MTARC1: variants seen among roughly 807,000 people sequenced by gnomAD.
MTARC1 encodes mitochondrial amidoxime reducing component 1, also known as mitochondrial amidoxime-reducing component 1.
MTARC1 carries 24 observed loss-of-function variants against 33.6 expected under a neutral mutation model. The ratio of observed to expected loss-of-function variants is 0.72; its 90% CI spans 0.52 to 1.01. The LOEUF is 1.01. Ranked by LOEUF, MTARC1 falls within the 50% of genes least tolerant of loss-of-function variation. The pLI, the probability that MTARC1 is intolerant of heterozygous loss-of-function variation, is 0.00. For synonymous variants in MTARC1, 187 were observed against 189.5 expected (o/e 0.99, Z 0.11); for missense variants, 417 against 445.7 (o/e 0.94, Z 0.58).
At chr1:220,804,137 C>T (rs947073411) in intron 4 of MTARC1, among the ~76,000 whole-genome samples, 1 of 152,156 alleles carries the variant, frequency 6.6e-6, no homozygotes, top group Non-Finnish European at 1.5e-5. Flanking sequence ...AGCGCCCTTC[C>T]TTCTTATTGC....
At chr1:220,805,344 A>G (rs1210705319) in intron 6 of MTARC1, 70 bp downstream of exon 6, 52 of 1,529,396 alleles carry the variant, frequency 3.4e-5, no homozygotes, top group Non-Finnish European at 4.6e-5. Context: ...TTGTTGCTTA[A>G]TGTTTATAAG....
intron 1 of MTARC1, among the ~76,000 whole-genome samples, chr1:220,789,789 T>A (rs866480069): frequency 5.3e-5 from 8 of 152,336 alleles, no homozygotes; most frequent in South Asian, 2.1e-4. Flanking sequence ...GAAAACATAA[T>A]ACTAATTGAA....
chr1:220,791,810 C>T (rs1672431926), intron 2 of MTARC1, 146 bp downstream of exon 2: 1 of 834,088 alleles, frequency 1.2e-6, no homozygotes, highest in Admixed American at 3.0e-5. Flanking sequence ...AAGTCCTCAA[C>T]ATTATGAAGA....
chr1:220,816,897 G>C lies in MTARC1; in HGVS notation c.*3479G>C, dbSNP rs564692428. Reference sequence around the variant, plus strand: ...AGGGAGAAGCACTCTCTTTCTTCGGGATCATTTTCCAAACATGCATTTTTG... The same window carrying C: ...AGGGAGAAGCACTCTCTTTCTTCGGCATCATTTTCCAAACATGCATTTTTG... On this transcript the variant is annotated 3_prime_UTR_variant, in exon 7 of 7. Coordinates refer to ENST00000366910, the MANE Select transcript of MTARC1 (RefSeq NM_022746.4). The C allele has an allele frequency of 6.6e-6, 1 of 152,464 alleles. No individual in the cohort carries two copies. The highest frequency in any genetic ancestry group is 2.1e-4 in the South Asian group (1 of 4,828). 9.4% of individuals were successfully genotyped at this position (152,464 alleles called of 1,614,324 possible).
At chr1:220,797,812 C>T (rs1571669592) in intron 3 of MTARC1, 62 bp from the exon 4 acceptor site, 1 of 1,528,600 alleles carries the variant, frequency 6.5e-7, no homozygotes, top group East Asian at 2.3e-5. Flanking sequence ...AGGAACTAGG[C>T]ACACCTAACC....
rs1558084246 is a variant in MTARC1, at chr1:220,791,777, G to C, written c.449+113G>C. 5 of 1,169,148 alleles carry C rather than the reference G, an allele frequency of 4.3e-6. 1 individual carries two copies. The highest frequency in any genetic ancestry group is 3.1e-5 in the African/African-American group (2 of 64,838). The allele number at this position is 1,169,148 out of a possible 1,614,324, so 72.4% of individuals were successfully genotyped here. A position where few individuals can be genotyped will look rare whatever the true frequency, so the allele number is the denominator to read the frequency against. On this transcript the variant is annotated intron_variant, in intron 2 of 6. Coordinates refer to ENST00000366910, the MANE Select transcript of MTARC1 (RefSeq NM_022746.4). ...ACATATCAATAATGAACCGTTGATT[G>C]CATGTGTACCATATACAGAATGAAG... is the stretch of plus-strand genomic sequence containing the variant.
At chr1:220,800,900 C>G (rs960638744) in intron 4 of MTARC1, among the ~76,000 whole-genome samples, 3 of 152,254 alleles carry the variant, frequency 2.0e-5, no homozygotes, top group Admixed American at 1.3e-4. Context: ...GGGCCTTCCC[C>G]CCCACTCCCC....
At chr1:220,796,831 G>A (rs781526951) in intron 3 of MTARC1, 26 bp downstream of exon 3, 1 of 1,572,484 alleles carries the variant, frequency 6.4e-7, no homozygotes, top group East Asian at 2.4e-5. Flanking sequence ...GCCTCCATGG[G>A]TAGAAAGCAG....
At chr1:220,805,176 C>A in intron 5 of MTARC1, 27 bp from the exon 6 acceptor site, 1 of 1,614,084 alleles carries the variant, frequency 6.2e-7, no homozygotes, top group Non-Finnish European at 8.5e-7. Flanking sequence ...CTCTGTCCCC[C>A]TTATGATGCT....
At chr1:220,789,797 G>C (rs1214090719) in intron 1 of MTARC1, among the ~76,000 whole-genome samples, 1 of 152,142 alleles carries the variant, frequency 6.6e-6, no homozygotes, top group East Asian at 1.9e-4. Context: ...AATACTAATT[G>C]AAATAAGCTA....
chr1:220,810,006 C>T (rs370486176), intron 6 of MTARC1, among the ~76,000 whole-genome samples: 4 of 152,182 alleles, frequency 2.6e-5, no homozygotes, highest in African/African-American at 9.7e-5. Flanking sequence ...AGCACTTTAA[C>T]GGTAACAAAC....
intron 6 of MTARC1, among the ~76,000 whole-genome samples, chr1:220,809,322 C>G (rs1405604792): frequency 6.6e-6 from 1 of 152,142 alleles, no homozygotes; most frequent in East Asian, 1.9e-4. Context: ...TTGAGAGTCA[C>G]TGTTTATAAA....
At chr1:220,810,425 G>A (rs1465602063) in intron 6 of MTARC1, among the ~76,000 whole-genome samples, 4 of 152,120 alleles carry the variant, frequency 2.6e-5, no homozygotes, top group African/African-American at 9.7e-5. Context: ...GCAAAACCAG[G>A]CAGCTGTAGG....
chr1:220,811,056 A>C (rs112849266), intron 6 of MTARC1, among the ~76,000 whole-genome samples: 87 of 152,344 alleles, frequency 5.7e-4, no homozygotes, highest in African/African-American at 1.9e-3. Context: ...TCCCCAAGAT[A>C]ATGAGAGTCT....
Position 220,813,578 on chromosome 1 carries a change from C to A in MTARC1, c.*160C>A. On this transcript the variant is annotated 3_prime_UTR_variant, in exon 7 of 7. Transcript: ENST00000366910. ...TTGGACTTCTGGTGTCTCAATGCTT[C>A]AATGTCCCAGTGCAAAAAGTAAAGA... The A allele has an allele frequency of 2.3e-6, 2 of 878,532 alleles. No individual in the cohort carries two copies. The highest frequency in any genetic ancestry group is 3.4e-6 in the Non-Finnish European group (2 of 584,460). The allele number at this position is 878,532 out of a possible 1,614,324, so 54.4% of individuals were successfully genotyped here.
chr1:220,805,722 A>G (rs1368188042), intron 6 of MTARC1, among the ~76,000 whole-genome samples: 1 of 152,258 alleles, frequency 6.6e-6, no homozygotes, highest in African/African-American at 2.4e-5. Flanking sequence ...AAAGAAAAAA[A>G]GGATAAATGA....
rs1359811081 is a variant in MTARC1, at chr1:220,815,113, C to T, written c.*1695C>T. The T allele has an allele frequency of 1.3e-5, 2 of 152,208 alleles. No individual in the cohort carries two copies. The highest frequency in any genetic ancestry group is 2.4e-5 in the African/African-American group (1 of 41,440). 9.4% of individuals were successfully genotyped at this position (152,208 alleles called of 1,614,324 possible). ...CAGAGAACCTGGGCCATCACCTTCC[C>T]CAACAAGTCCAGTTGATGTTGAAAC... On this transcript the variant is annotated 3_prime_UTR_variant, in exon 7 of 7. Transcript: ENST00000366910.
chr1:220,806,025 T>C (rs1373917314), intron 6 of MTARC1, among the ~76,000 whole-genome samples: 1 of 152,210 alleles, frequency 6.6e-6, no homozygotes, highest in East Asian at 1.9e-4. Flanking sequence ...GCTGAAAGGA[T>C]ATAAAACAAA....
In MTARC1 at chr1:220,803,432, C is replaced by T. The variant is rs556570612; in HGVS notation, c.754-1620C>T. Among the ~76,000 whole-genome samples the T allele has an allele frequency of 3.9e-5, 6 of 152,314 alleles. No individual in the cohort carries two copies. In the South Asian group the frequency reaches 1.2e-3, roughly 32 times the overall value. ...ACGAACGAAAGCTCCAAACTGCAAACTGGTGTCTCCTGGTCACTGAGAATC... is the reference window on the plus strand; with the variant it reads ...ACGAACGAAAGCTCCAAACTGCAAATTGGTGTCTCCTGGTCACTGAGAATC... On this transcript the variant is annotated intron_variant, in intron 4 of 6. Transcript: ENST00000366910.
Sources: allele counts gnomAD v4.1 joint callset (sites outside exome capture counted in the v4.1 genomes callset), GRCh38; gene constraint gnomAD v4.1.1; transcripts MANE v1.5; gene names NCBI Gene and HGNC (gene_info 2026-07-23, HGNC 2026-07-21).